Variants in CAPS2 observed in about 807,000 individuals in gnomAD.
The protein encoded by CAPS2 is calcyphosin-2.
CAPS2 carries 98 observed loss-of-function variants against 86.5 expected under a neutral mutation model. That is an observed-to-expected ratio of 1.13 (90% CI 0.96 to 1.34). CAPS2 has a LOEUF of 1.34. CAPS2 is among the 40% of genes most tolerant of loss of function. The pLI is 0.00. For synonymous variants in CAPS2, 210 were observed against 225.1 expected (o/e 0.93, Z 0.60); for missense variants, 729 against 686.8 (o/e 1.06, Z -0.69).
At chr12:75,291,182 G>C (rs1031934461) in intron 13 of CAPS2, among the ~76,000 whole-genome samples, 2 of 151,692 alleles carry the variant, frequency 1.3e-5, no homozygotes, top group Non-Finnish European at 1.5e-5. Flanking sequence ...AGAGATGCAA[G>C]AGATTTCTCT....
chr12:75,347,573 G>A, intron 1 of CAPS2: 2 of 1,161,840 alleles, frequency 1.7e-6, no homozygotes. Flanking sequence ...TGCATTGTTT[G>A]CATAGAATTG....
In CAPS2 at chr12:75,291,480, CATATATATATATATATATATAT is replaced by C. The variant is rs556770226; in HGVS notation, c.1240+242_1240+263del. Among the ~76,000 whole-genome samples, 74 of 18,636 alleles carry C rather than the reference CATATATATATATATATATATAT, an allele frequency of 4.0e-3. 3 individuals are homozygous for C. In the South Asian group the frequency reaches 0.056, roughly 14 times the overall value. 12.2% of individuals were successfully genotyped at this position (18,636 alleles called of 152,430 possible). ...GTTTAGAAATCCTAAACAATAAAAG[CATATATATATATATATATATAT>C]ATATATATATATATATATATAGCTT... On this transcript the variant is annotated intron_variant, in intron 13 of 16. Transcript: ENST00000393284.
chr12:75,296,968 T>C (rs563360310), intron 11 of CAPS2, among the ~76,000 whole-genome samples: 28 of 152,356 alleles, frequency 1.8e-4, no homozygotes, highest in African/African-American at 6.7e-4. Context: ...TCTTTTGATA[T>C]CCCCTTCAAA....
chr12:75,346,768 T>C (rs747372117), intron 1 of CAPS2, among the ~76,000 whole-genome samples: 2 of 152,198 alleles, frequency 1.3e-5, no homozygotes, highest in Non-Finnish European at 2.9e-5. Flanking sequence ...GACAAGGCTA[T>C]AGAAAACAAT....
rs115139192 is a variant in CAPS2 at position 75,337,123 on chromosome 12, G to A, written c.-394-13901C>T. On this transcript the variant is annotated intron_variant, in intron 1 of 5. Transcript: ENST00000551829. ...GCAAAAGAAGTGTTTGGAAGCATAC[G>A]TATAGATTTAAATGAATATTTTAGG... 1.2e-4 allele frequency among the ~76,000 whole-genome samples: 18 copies of A among 151,814 alleles called. 1 individual carries two copies. The highest frequency in any genetic ancestry group is 6.2e-4 in the South Asian group (3 of 4,820).
upstream of CAPS2, among the ~76,000 whole-genome samples, chr12:75,332,572 C>T (rs1424776435): frequency 6.6e-6 from 1 of 151,934 alleles, no homozygotes; most frequent in African/African-American, 2.4e-5. Context: ...TTATTGAGCC[C>T]CTCATATGTA....
upstream of CAPS2, chr12:75,330,025 CAGGA>C: frequency 1.6e-6 from 1 of 615,940 alleles, no homozygotes. Context: ...AAGCTTTAGA[CAGGA>C]CAGTCTAGAC....
At position 75,377,860 on chromosome 12, in the gene CAPS2, TGC is replaced by T. The variant is rs72077892; in HGVS notation, c.-395+12976_-395+12977del. ...TCACAGATATATATATATATATATA[TGC>T]GTGTGTGTGTGTGTCTATATATATA... On this transcript the variant is annotated intron_variant, in intron 1 of 5. Transcript: ENST00000551829. 3.8e-3 allele frequency among the ~76,000 whole-genome samples: 51 copies of T among 13,290 alleles called. No homozygotes were observed. The South Asian group carries it at 0.055, about 14-fold the overall frequency. The allele number at this position is 13,290 out of a possible 152,430, so 8.7% of individuals were successfully genotyped here. A position where few individuals can be genotyped will look rare whatever the true frequency, so the allele number is the denominator to read the frequency against.
chr12:75,358,075 T>A (rs2043272146), intron 1 of CAPS2, among the ~76,000 whole-genome samples: 1 of 151,296 alleles, frequency 6.6e-6, no homozygotes, highest in Non-Finnish European at 1.5e-5. Flanking sequence ...TAACATTTTA[T>A]TAATAAAATT....
exon 11 of CAPS2, chr12:75,298,756 T>C (rs2037320614): frequency 1.2e-6 from 2 of 1,614,070 alleles, no homozygotes; most frequent in African/African-American, 1.3e-5. Context: ...AAATGCTTTT[T>C]TGAATAAAAG....
upstream of CAPS2, among the ~76,000 whole-genome samples, chr12:75,332,619 G>T (rs529319959): frequency 6.6e-6 from 1 of 152,080 alleles, no homozygotes; most frequent in Non-Finnish European, 1.5e-5. Context: ...TATAGTTTCT[G>T]CTCTCAAGAA....
At chr12:75,289,558 A>G (rs1021570877) in intron 14 of CAPS2, 63 bp downstream of exon 14, 17 of 1,411,400 alleles carry the variant, frequency 1.2e-5, no homozygotes, top group Non-Finnish European at 1.6e-5. Context: ...TCAGTAGAAC[A>G]GTGAATAATG....
At chr12:75,356,589 A>T (rs1019345559) in intron 1 of CAPS2, among the ~76,000 whole-genome samples, 1 of 152,304 alleles carries the variant, frequency 6.6e-6, no homozygotes, top group East Asian at 1.9e-4. Context: ...TGGAATTTTT[A>T]AAAGATATTT....
At chr12:75,304,962 T>C (rs1254128786) in intron 7 of CAPS2, 86 bp from the exon 8 acceptor site, 10 of 1,192,076 alleles carry the variant, frequency 8.4e-6, no homozygotes, top group Non-Finnish European at 1.2e-5. Context: ...TTCTAAAAGC[T>C]CATATACCAA....
At chr12:75,315,122 AC>A (rs1411466154) in intron 6 of CAPS2, among the ~76,000 whole-genome samples, 2 of 152,198 alleles carry the variant, frequency 1.3e-5, no homozygotes, top group African/African-American at 4.8e-5. Flanking sequence ...TTAAATGAGT[AC>A]TATCAAAATA....
At chr12:75,287,723 C>G (rs1394557877) in intron 14 of CAPS2, among the ~76,000 whole-genome samples, 14 of 152,110 alleles carry the variant, frequency 9.2e-5, no homozygotes, top group Non-Finnish European at 4.4e-5. Context: ...TTTGTAATAT[C>G]CATTAGAGTA....
upstream of CAPS2, among the ~76,000 whole-genome samples, chr12:75,327,262 G>T (rs897925471): frequency 1.3e-5 from 2 of 151,882 alleles, no homozygotes; most frequent in African/African-American, 4.8e-5. Flanking sequence ...TATGAGTTTT[G>T]GTTTTGCCAG....
At chr12:75,364,609 C>T (rs1207128258) in intron 1 of CAPS2, among the ~76,000 whole-genome samples, 1 of 152,166 alleles carries the variant, frequency 6.6e-6, no homozygotes, top group East Asian at 1.9e-4. Context: ...AACAAAAACA[C>T]AAAGGTGAAG....
At chr12:75,373,477 A>G (rs1345760843) in intron 1 of CAPS2, 2 of 152,140 alleles carry the variant, frequency 1.3e-5, no homozygotes, top group East Asian at 3.9e-4. Context: ...CCATCTACCC[A>G]AACCACTCGC....
Sources: allele counts gnomAD v4.1 joint callset (sites outside exome capture counted in the v4.1 genomes callset), GRCh38; gene constraint gnomAD v4.1.1; transcripts MANE v1.5; gene names NCBI Gene and HGNC (gene_info 2026-07-23, HGNC 2026-07-21).